Variants in TENM1 observed in about 807,000 individuals in gnomAD.
The protein encoded by TENM1 is teneurin transmembrane protein 1.
TENM1 carries 35 observed loss-of-function variants against 174.8 expected under a neutral mutation model. The observed-to-expected ratio is 0.20, with a 90% CI of 0.15 to 0.27. The LOEUF (loss-of-function observed/expected upper bound fraction) is 0.27, where lower values mean the gene tolerates loss of function less well. Among genes scored for constraint, TENM1 ranks in the 10% least tolerant of loss-of-function variants. The probability of loss-of-function intolerance (pLI) is 1.00; values close to 1 mark genes in which losing one functional copy is unlikely to be tolerated. For synonymous variants in TENM1, 781 were observed against 798.7 expected (o/e 0.98, Z 0.37); for missense variants, 1,633 against 2,130.1 (o/e 0.77, Z 4.59).
rs2061322325 is a variant in TENM1, at chrX:124,471,404, T to TTA, written c.3949+10326_3949+10327dup. On this transcript the variant is annotated intron_variant, in intron 22 of 31. Transcript: ENST00000422452. ...TATATAGTACTATATATAATATATA[T>TTA]TATAATATATAGTAATATATTATAT... Among the ~76,000 whole-genome samples the TTA allele has an allele frequency of 2.2e-4, 6 of 26,829 alleles. 1 individual carries two copies. Among genetic ancestry groups the TTA allele is most frequent in the Admixed American group, 6.8e-4 (1 of 1,462 alleles). 23.3% of individuals were successfully genotyped at this position (26,829 alleles called of 115,157 possible). A position where few individuals can be genotyped will look rare whatever the true frequency, so the allele number is the denominator to read the frequency against.
At chrX:125,200,611 A>T in the TENM1 span, among the ~76,000 whole-genome samples, 9 of 103,992 alleles carry the variant, frequency 8.7e-5, no homozygotes, top group South Asian at 4.0e-3. Flanking sequence ...GATTCAAGGC[A>T]TTCACAAGCA....
the TENM1 span, among the ~76,000 whole-genome samples, chrX:125,075,721 T>C: frequency 2.1e-4 from 23 of 111,428 alleles, no homozygotes; most frequent in East Asian, 5.4e-3. Flanking sequence ...AAAAGAAACA[T>C]AGGCTCAGCA....
At chrX:124,473,044 G>T (rs985970544) in intron 22 of TENM1, among the ~76,000 whole-genome samples, 5 of 111,704 alleles carry the variant, frequency 4.5e-5, no homozygotes, top group African/African-American at 1.6e-4. Context: ...ATCTTACCCT[G>T]CTGGAGAAGA....
intron 1 of TENM1, among the ~76,000 whole-genome samples, chrX:124,949,503 G>A (rs1272520496): frequency 8.9e-6 from 1 of 111,845 alleles, no homozygotes; most frequent in Non-Finnish European, 1.9e-5. Context: ...GTAGTAATAA[G>A]TACAGACTGC....
chrX:124,552,880 T>C (rs555024792), intron 14 of TENM1, among the ~76,000 whole-genome samples: 2 of 111,883 alleles, frequency 1.8e-5, no homozygotes, highest in East Asian at 5.6e-4. Context: ...TCAAATGTCA[T>C]CTTCTTAGTG....
At chrX:124,653,494 C>T in intron 7 of TENM1, 90 bp downstream of exon 10, 2 of 717,270 alleles carry the variant, frequency 2.8e-6, no homozygotes, top group South Asian at 5.4e-5. Context: ...TTACCTTTGA[C>T]AACCACATAT....
chrX:124,924,848 G>A (rs1049246337), intron 1 of TENM1, among the ~76,000 whole-genome samples: 7 of 110,650 alleles, frequency 6.3e-5, no homozygotes, highest in Admixed American at 2.9e-4. Flanking sequence ...GTGCACTATC[G>A]AAGTGGGCTC....
chrX:124,563,118 A>G (rs2148165518), intron 13 of TENM1, among the ~76,000 whole-genome samples: 1 of 111,356 alleles, frequency 9.0e-6, no homozygotes, highest in Admixed American at 9.6e-5. Flanking sequence ...GCAATAGATA[A>G]TTAAGGTGAA....
chrX:124,448,994 C>G (rs1044704701), intron 23 of TENM1, among the ~76,000 whole-genome samples: 38 of 111,578 alleles, frequency 3.4e-4, no homozygotes, highest in Non-Finnish European at 5.7e-5. Context: ...CTAATCAATA[C>G]AGTCTCCTTG....
At chrX:124,992,697 G>A in the TENM1 span, among the ~76,000 whole-genome samples, 3 of 110,843 alleles carry the variant, frequency 2.7e-5, no homozygotes, top group Admixed American at 2.9e-4. Flanking sequence ...TGCTCAAAGA[G>A]GACAAGAAGA....
chrX:124,863,849 G>T (rs1308191940), intron 3 of TENM1, among the ~76,000 whole-genome samples: 2 of 112,652 alleles, frequency 1.8e-5, no homozygotes. Flanking sequence ...CATAGTGGTG[G>T]TGGCCACAGA....
At chrX:124,581,815 T>C (rs1262801636) in intron 11 of TENM1, among the ~76,000 whole-genome samples, 6 of 112,197 alleles carry the variant, frequency 5.3e-5, no homozygotes, top group Non-Finnish European at 1.1e-4. Context: ...TTTTTTCATA[T>C]GTTTGTTGGC....
intron 5 of TENM1, among the ~76,000 whole-genome samples, chrX:124,703,560 A>G (rs1261164461): frequency 8.9e-6 from 1 of 112,157 alleles, no homozygotes; most frequent in Non-Finnish European, 1.9e-5. Flanking sequence ...ATCTCTCTAT[A>G]TAGTAAAAGT....
intron 5 of TENM1, among the ~76,000 whole-genome samples, chrX:124,699,226 AT>A (rs748094036): frequency 2.8e-5 from 3 of 107,840 alleles, no homozygotes; most frequent in African/African-American, 3.3e-5. Flanking sequence ...TTCTTGAGAG[AT>A]TTTTTTTTTG....
chrX:125,137,215 T>C, the TENM1 span, among the ~76,000 whole-genome samples: 1 of 111,091 alleles, frequency 9.0e-6, no homozygotes, highest in Non-Finnish European at 1.9e-5. Flanking sequence ...ACCCAATAAG[T>C]AGTCTAAGTG....
chrX:125,081,125 C>A, the TENM1 span, among the ~76,000 whole-genome samples: 3 of 110,739 alleles, frequency 2.7e-5, no homozygotes, highest in African/African-American at 9.9e-5. Flanking sequence ...CACTGTATCC[C>A]CAAATCTTGG....
At chrX:124,497,304 C>T (rs1422841687) in intron 19 of TENM1, 39 bp from the exon 23 acceptor site, 1 of 1,149,316 alleles carries the variant, frequency 8.7e-7, no homozygotes, top group African/African-American at 1.8e-5. Flanking sequence ...TTAAGAAAAG[C>T]AATTACCACA....
the TENM1 span, among the ~76,000 whole-genome samples, chrX:125,168,824 G>A: frequency 1.8e-5 from 2 of 111,162 alleles, no homozygotes; most frequent in African/African-American, 3.3e-5. Context: ...AAGCCCAACC[G>A]ACATCTTGAC....
intron 5 of TENM1, among the ~76,000 whole-genome samples, chrX:124,698,209 G>C: frequency 9.1e-6 from 1 of 110,321 alleles, no homozygotes; most frequent in African/African-American, 3.3e-5. Context: ...TGTCCTCAAC[G>C]GTAGTTACCT....
Sources: gnomAD v4.1 joint callset for allele counts (sites outside exome capture counted in the v4.1 genomes callset) on GRCh38, gnomAD v4.1.1 for gene constraint, MANE v1.5 for transcripts, NCBI Gene and HGNC (gene_info 2026-07-23, HGNC 2026-07-21) for gene names.